Variants in NAAA observed in about 807,000 individuals in gnomAD.
NAAA encodes N-acylethanolamine acid amidase.
NAAA carries 39 observed loss-of-function variants against 44.8 expected under a neutral mutation model. The observed-to-expected ratio is 0.87, with a 90% CI of 0.67 to 1.14. The LOEUF is 1.14. Ranked by LOEUF, NAAA falls within the 50% of genes most tolerant of loss-of-function variation. The pLI is 0.00. For synonymous variants in NAAA, 178 were observed against 191.3 expected (o/e 0.93, Z 0.58); for missense variants, 460 against 467.8 (o/e 0.98, Z 0.15).
rs1727203394 is a variant in NAAA, at chr4:75,931,251, C to T, written c.552G>A (p.Gln184=). Residue 184 remains glutamine (Q), a synonymous_variant, in exon 4 of 11, where the codon CAG becomes CAA. Transcript: ENST00000286733. ...CAGAAACTGTAAACTTGTGTGGGCTCTGGCCAGTCCATAATCCTACATAGC... is the reference window on the plus strand; with the variant it reads ...CAGAAACTGTAAACTTGTGTGGGCTTTGGCCAGTCCATAATCCTACATAGC... The part of the protein sequence containing the change: ...FIGYVGLWTG[Q]SPHKFTVSGD... 3.1e-6 allele frequency: 5 copies of T among 1,612,988 alleles called. No individual in the cohort carries two copies. The highest frequency in any genetic ancestry group is 4.2e-6 in the Non-Finnish European group (5 of 1,179,196).
At chr4:75,923,309 G>C (rs938647425) in intron 5 of NAAA, among the ~76,000 whole-genome samples, 1 of 152,076 alleles carries the variant, frequency 6.6e-6, no homozygotes, top group Non-Finnish European at 1.5e-5. Context: ...GAGATAGAAA[G>C]AAATTAGGCA....
rs1725429875 is a variant in NAAA, at chr4:75,913,754, AT to A, written c.*620del. The A allele has an allele frequency of 4.1e-6, 4 of 982,408 alleles. No homozygotes were observed. The Admixed American group carries it at 2.5e-4, about 60-fold the overall frequency. The allele number at this position is 982,408 out of a possible 1,614,324, so 60.9% of individuals were successfully genotyped here. ...TTAAGAAATAATTTGGTTGCATATT[AT>A]TTTCAAAAAGCAGTAAGAAAGTAGC... On this transcript the variant is annotated 3_prime_UTR_variant, in exon 11 of 11. Coordinates refer to ENST00000286733, the MANE Select transcript of NAAA (RefSeq NM_014435.4).
At chr4:75,922,907 A>G (rs1317594639) in intron 5 of NAAA, among the ~76,000 whole-genome samples, 1 of 152,214 alleles carries the variant, frequency 6.6e-6, no homozygotes, top group Non-Finnish European at 1.5e-5. Flanking sequence ...TCCATAAAAA[A>G]TACTGAAGGC....
At chr4:75,940,196 C>G in intron 1 of NAAA, 31 bp from the exon 2 acceptor site, 5 of 1,603,128 alleles carry the variant, frequency 3.1e-6, no homozygotes, top group Non-Finnish European at 3.4e-6. Context: ...GGCGTCTGAC[C>G]CGCTCAGAGG....
intron 4 of NAAA, among the ~76,000 whole-genome samples, chr4:75,928,796 C>CT (rs968230679): frequency 2.0e-4 from 28 of 140,102 alleles, no homozygotes; most frequent in Admixed American, 4.3e-4. Flanking sequence ...TTTTTTTTTT[C>CT]TTTTTTTTTG....
At chr4:75,927,987 T>G (rs941268412) in intron 4 of NAAA, among the ~76,000 whole-genome samples, 1 of 152,214 alleles carries the variant, frequency 6.6e-6, no homozygotes, top group Non-Finnish European at 1.5e-5. Flanking sequence ...ATGTAATGTG[T>G]ATCAATAACA....
At chr4:75,919,324 G>A (rs952154369) in intron 8 of NAAA, 4 of 154,922 alleles carry the variant, frequency 2.6e-5, no homozygotes, top group African/African-American at 9.7e-5. Flanking sequence ...TTATAGGTGT[G>A]AGCCACCACA....
intron 8 of NAAA, 144 bp from the exon 9 acceptor site, chr4:75,918,933 A>T: frequency 1.4e-6 from 1 of 714,072 alleles, no homozygotes; most frequent in Non-Finnish European, 2.4e-6. Context: ...ACTCAAGCCC[A>T]GGAGTTCAAG....
chr4:75,928,889 A>T (rs912621515), intron 4 of NAAA, among the ~76,000 whole-genome samples: 3 of 148,726 alleles, frequency 2.0e-5, no homozygotes, highest in African/African-American at 7.5e-5. Flanking sequence ...CCGGGTTCAC[A>T]CCATTCTCCT....
intron 3 of NAAA, 106 bp downstream of exon 3, chr4:75,936,003 G>T: frequency 2.2e-6 from 3 of 1,354,460 alleles, no homozygotes; most frequent in Admixed American, 2.2e-5. Flanking sequence ...TGATTTTTTT[G>T]TGTCTTACAC....
chr4:75,939,963 A>T (rs533947291), intron 2 of NAAA, 38 bp downstream of exon 2: 1 of 1,607,618 alleles, frequency 6.2e-7, no homozygotes, highest in South Asian at 1.1e-5. Flanking sequence ...GGGCCCCCGC[A>T]AGCCCCGCGT....
chr4:75,919,067 A>G (rs1168712563), intron 8 of NAAA, among the ~76,000 whole-genome samples: 2 of 151,358 alleles, frequency 1.3e-5, no homozygotes, highest in African/African-American at 4.9e-5. Context: ...TTTTTGAGAC[A>G]GTCTTGCTGT....
chr4:75,916,778 CTTTTTTTTTTTTTTT>C (rs35739236), intron 9 of NAAA, among the ~76,000 whole-genome samples: 1 of 76,938 alleles, frequency 1.3e-5, no homozygotes, highest in East Asian at 4.7e-4. Flanking sequence ...TTCATCACTT[CTTTTTTTTTTTTTTT>C]TTTTTTTTTT....
At chr4:75,930,624 C>T (rs976518601) in intron 4 of NAAA, 1 of 390,586 alleles carries the variant, frequency 2.6e-6, no homozygotes, top group Non-Finnish European at 5.0e-6. Context: ...CTAAAACAAC[C>T]CAATCTCTAC....
downstream of NAAA, among the ~76,000 whole-genome samples, chr4:75,910,781 G>A (rs1010706039): frequency 7.9e-5 from 12 of 152,196 alleles, no homozygotes; most frequent in African/African-American, 2.9e-4. Context: ...ACACATTGTA[G>A]TTAAACCACG....
chr4:75,920,638 A>G (rs767794867), intron 7 of NAAA, 100 bp downstream of exon 7: 39 of 1,417,384 alleles, frequency 2.8e-5, no homozygotes, highest in Non-Finnish European at 3.8e-5. Flanking sequence ...TTTCTGGGAG[A>G]GGATAGCACC....
At chr4:75,928,178 T>C (rs567336174) in intron 4 of NAAA, among the ~76,000 whole-genome samples, 35 of 152,236 alleles carry the variant, frequency 2.3e-4, no homozygotes, top group Non-Finnish European at 2.6e-4. Flanking sequence ...ACTCTCTGCT[T>C]CTATGAGTTC....
chr4:75,936,042 C>T (rs1215191260), intron 3 of NAAA, 67 bp downstream of exon 3: 1 of 1,584,156 alleles, frequency 6.3e-7, no homozygotes, highest in Admixed American at 1.7e-5. Flanking sequence ...AGCAGGCCAT[C>T]CAAATGACTG....
chr4:75,939,752 G>A (rs1728062846), intron 2 of NAAA: 2 of 497,734 alleles, frequency 4.0e-6, no homozygotes, highest in Non-Finnish European at 7.3e-6. Flanking sequence ...CCTGGATTGG[G>A]GAAGAGAAAA....
Sources: gnomAD v4.1 joint callset for allele counts (sites outside exome capture counted in the v4.1 genomes callset) on GRCh38, gnomAD v4.1.1 for gene constraint, MANE v1.5 for transcripts, NCBI Gene and HGNC (gene_info 2026-07-23, HGNC 2026-07-21) for gene names.